The following CFAP47 variants were observed in gnomAD, a reference collection of about 807,000 sequenced individuals.
The protein encoded by CFAP47 is cilia- and flagella-associated protein 47.
In CFAP47, 29 loss-of-function variants were observed where a neutral mutation model predicts 148.1. The observed-to-expected ratio is 0.20, with a 90% confidence interval of 0.15 to 0.27. The LOEUF is 0.27. CFAP47 is among the 10% of genes least tolerant of loss of function. The pLI is 1.00. For synonymous variants in CFAP47, 664 were observed against 577.3 expected (o/e 1.15, Z -2.15); for missense variants, 1,872 against 1,697.5 (o/e 1.10, Z -1.81).
chrX:36,238,054 C>CT (rs1231508901), intron 48 of CFAP47, among the ~76,000 whole-genome samples: 5 of 109,643 alleles, frequency 4.6e-5, no homozygotes, highest in Admixed American at 2.9e-4. Context: ...ATTTTAATGT[C>CT]TTTTTTTTTC....
chrX:36,384,907 G>T lies in CFAP47; in HGVS notation c.9465G>T (p.Met3155Ile). The T allele has an allele frequency of 8.6e-7, 1 of 1,165,865 alleles. No homozygotes were observed. Among genetic ancestry groups the T allele is most frequent in the African/African-American group, 1.8e-5 (1 of 56,253 alleles). The change falls in exon 64 of 64, where the codon ATG becomes ATT. Residue 3155 changes from methionine to isoleucine, a missense_variant. Coordinates refer to ENST00000378653, the MANE Select transcript of CFAP47 (RefSeq NM_001304548.2). ...CTACTCACAAGACACATGACAACATGCCAGTCCGTCCACATAATTTTGTCC... is the reference window on the plus strand; with the variant it reads ...CTACTCACAAGACACATGACAACATTCCAGTCCGTCCACATAATTTTGTCC... ...IDATHKTHDN[M>I]PVRPHNFVRE...
At chrX:36,004,679 C>T (rs1936960582) in intron 21 of CFAP47, among the ~76,000 whole-genome samples, 1 of 108,859 alleles carries the variant, frequency 9.2e-6, no homozygotes, top group Admixed American at 1.0e-4. Flanking sequence ...TTTTATGATT[C>T]CATTTATGTG....
At chrX:36,257,634 G>A (rs1011509177) in intron 49 of CFAP47, among the ~76,000 whole-genome samples, 1 of 110,523 alleles carries the variant, frequency 9.0e-6, no homozygotes, top group Non-Finnish European at 1.9e-5. Flanking sequence ...TGTTGCTCAG[G>A]CTGCTCTTGA....
At chrX:36,033,131 A>T (rs768818046) in intron 23 of CFAP47, among the ~76,000 whole-genome samples, 1 of 112,283 alleles carries the variant, frequency 8.9e-6, no homozygotes, top group African/African-American at 3.2e-5. Context: ...ATATAACAAT[A>T]TATTTGTGTT....
At chrX:36,005,562 T>A (rs1278186514) in intron 21 of CFAP47, among the ~76,000 whole-genome samples, 1 of 111,832 alleles carries the variant, frequency 8.9e-6, no homozygotes, top group Admixed American at 9.6e-5. Flanking sequence ...TAAATCACTT[T>A]AAATTTATTG....
intron 23 of CFAP47, among the ~76,000 whole-genome samples, chrX:36,031,837 A>G (rs867797084): frequency 3.4e-4 from 38 of 110,652 alleles, no homozygotes; most frequent in African/African-American, 1.2e-3. Flanking sequence ...ACAGACATGC[A>G]TAAAAAAGAA....
chrX:36,306,139 A>G (rs1350114584), intron 54 of CFAP47, among the ~76,000 whole-genome samples: 1 of 111,934 alleles, frequency 8.9e-6, no homozygotes, highest in African/African-American at 3.2e-5. Context: ...TTTATCTTCA[A>G]ATTAAATTAT....
At chrX:36,019,450 A>G (rs1226601303) in intron 22 of CFAP47, among the ~76,000 whole-genome samples, 2 of 111,564 alleles carry the variant, frequency 1.8e-5, no homozygotes, top group Non-Finnish European at 3.8e-5. Flanking sequence ...GCATATAAGT[A>G]AACAGTTTGG....
chrX:36,062,824 A>C (rs1277115676), intron 26 of CFAP47, among the ~76,000 whole-genome samples: 1 of 111,580 alleles, frequency 9.0e-6, no homozygotes, highest in East Asian at 2.8e-4. Flanking sequence ...ATTATATTTT[A>C]AAAAAACACT....
chrX:36,249,448 C>G (rs137932321), intron 48 of CFAP47, among the ~76,000 whole-genome samples: 1,241 of 110,287 alleles, frequency 0.011, 7 homozygotes, highest in Non-Finnish European at 0.02. Flanking sequence ...TATAGAGTTA[C>G]AAAAACTACT....
chrX:36,073,847 T>C (rs1937800241), intron 29 of CFAP47, among the ~76,000 whole-genome samples: 1 of 112,220 alleles, frequency 8.9e-6, no homozygotes, highest in Admixed American at 9.5e-5. Context: ...TCAACTGTTT[T>C]GATTATATCA....
chrX:36,053,943 T>A lies in CFAP47; in HGVS notation c.4217+6880T>A, dbSNP rs138696478. 5.1e-3 allele frequency among the ~76,000 whole-genome samples: 572 copies of A among 112,657 alleles called. 4 individuals carry two copies. The highest frequency in any genetic ancestry group is 0.017 in the African/African-American group (518 of 31,028). On this transcript the variant is annotated intron_variant, in intron 26 of 63. Coordinates refer to ENST00000378653, the MANE Select transcript of CFAP47 (RefSeq NM_001304548.2). Reference sequence around the variant, plus strand: ...AGAATAAAAGAGTTAACCACAGATGTAGTTTTTCTAATATCCTTCTTTTTC... The same window carrying A: ...AGAATAAAAGAGTTAACCACAGATGAAGTTTTTCTAATATCCTTCTTTTTC...
At chrX:36,251,276 G>C in intron 48 of CFAP47, 57 bp from the exon 49 acceptor site, 1 of 409,857 alleles carries the variant, frequency 2.4e-6, no homozygotes, top group East Asian at 4.2e-5. Flanking sequence ...ATGTAGTGTA[G>C]TGTACTTATT....
intron 60 of CFAP47, among the ~76,000 whole-genome samples, chrX:36,357,602 A>AT (rs782147400): frequency 8.9e-6 from 1 of 112,103 alleles, no homozygotes. Context: ...AAATCTATGC[A>AT]CCTGTACTAT....
chrX:36,307,120 G>C (rs1941357004), intron 55 of CFAP47, among the ~76,000 whole-genome samples: 1 of 110,686 alleles, frequency 9.0e-6, no homozygotes, highest in Non-Finnish European at 1.9e-5. Flanking sequence ...TTAAAACACA[G>C]ATATTTCAAT....
At chrX:36,085,249 GTT>G in intron 29 of CFAP47, 63 bp from the exon 30 acceptor site, 1 of 666,226 alleles carries the variant, frequency 1.5e-6, no homozygotes, top group Non-Finnish European at 2.3e-6. Flanking sequence ...AATTGAACAT[GTT>G]TTTTTTTCCC....
At chrX:35,938,235 A>T (rs1362730501) in intron 2 of CFAP47, among the ~76,000 whole-genome samples, 1 of 111,307 alleles carries the variant, frequency 9.0e-6, no homozygotes, top group Non-Finnish European at 1.9e-5. Context: ...TCACCACAGC[A>T]TCACATCCTA....
intron 22 of CFAP47, among the ~76,000 whole-genome samples, chrX:36,015,798 A>C (rs752645966): frequency 9.1e-4 from 102 of 112,001 alleles, no homozygotes; most frequent in African/African-American, 3.2e-3. Flanking sequence ...ACTTGTTTGA[A>C]AATTAAAAAT....
At chrX:36,265,652 C>T (rs184694897) in intron 49 of CFAP47, among the ~76,000 whole-genome samples, 15 of 112,051 alleles carry the variant, frequency 1.3e-4, no homozygotes, top group Non-Finnish European at 1.7e-4. Context: ...TTCTGTGTCT[C>T]ATATCTTAAT....
Sources: allele counts gnomAD v4.1 joint callset (sites outside exome capture counted in the v4.1 genomes callset), GRCh38; gene constraint gnomAD v4.1.1; transcripts MANE v1.5; gene names NCBI Gene and HGNC (gene_info 2026-07-23, HGNC 2026-07-21).